The following TEK variants were observed in gnomAD, a reference collection of about 807,000 sequenced individuals.
TEK encodes TEK receptor tyrosine kinase.
A neutral mutation model predicts 131.8 loss-of-function variants in TEK; 43 were observed. The observed-to-expected ratio is 0.33, with a 90% CI of 0.26 to 0.42. The LOEUF (loss-of-function observed/expected upper bound fraction) is 0.42, where lower values mean the gene tolerates loss of function less well. TEK is among the 10% of genes least tolerant of loss of function. The pLI is 1.00. For synonymous variants in TEK, 580 were observed against 491.6 expected (o/e 1.18, Z -2.38); for missense variants, 1,162 against 1,384.4 (o/e 0.84, Z 2.55).
At chr9:27,191,813 T>G (rs1824833744) in intron 10 of TEK, 2 of 394,148 alleles carry the variant, frequency 5.1e-6, no homozygotes, top group Non-Finnish European at 9.9e-6. Context: ...CCATCACCTT[T>G]GTCTACAAGT....
chr9:27,202,090 G>A (rs1002787340), intron 12 of TEK, among the ~76,000 whole-genome samples: 2 of 152,210 alleles, frequency 1.3e-5, no homozygotes, highest in Non-Finnish European at 2.9e-5. Flanking sequence ...TAGAGTTTGA[G>A]TGAGAATGTA....
At chr9:27,214,506 G>A (rs1387659844) in intron 18 of TEK, among the ~76,000 whole-genome samples, 1 of 152,134 alleles carries the variant, frequency 6.6e-6, no homozygotes, top group Admixed American at 6.5e-5. Context: ...TCTTAGCAAG[G>A]CTCAGGTTCC....
chr9:27,169,712 C>T, intron 4 of TEK, 83 bp downstream of exon 4: 7 of 1,586,796 alleles, frequency 4.4e-6, no homozygotes, highest in Non-Finnish European at 6.0e-6. Flanking sequence ...AGAAACTAAC[C>T]ATGGCTTCTT....
At chr9:27,130,445 A>G (rs1299389872) in intron 1 of TEK, among the ~76,000 whole-genome samples, 1 of 152,154 alleles carries the variant, frequency 6.6e-6, no homozygotes, top group Non-Finnish European at 1.5e-5. Context: ...ATGAATATAT[A>G]TTGAATTTTC....
rs1452235965 is a variant in TEK, at chr9:27,173,337, C to T, written c.876C>T (p.Gly292=). 1.2e-6 allele frequency: 2 copies of T among 1,613,870 alleles called. No individual in the cohort carries two copies. The change falls in exon 6 of 23, where the codon GGC becomes GGT. Residue 292 remains glycine (G), a synonymous_variant. Transcript: ENST00000380036. The part of the protein sequence containing the change: ...PDPYGCSCAT[G]WKGLQCNEAC... ...CCTATGGGTGTTCCTGTGCCACAGG[C>T]TGGAAGGGTCTGCAGTGCAATGAAG...
At chr9:27,214,829 T>A (rs547092201) in intron 18 of TEK, among the ~76,000 whole-genome samples, 2 of 152,138 alleles carry the variant, frequency 1.3e-5, no homozygotes, top group Non-Finnish European at 2.9e-5. Context: ...TCAGAAGCCA[T>A]GTGTGCCTCC....
Position 27,229,398 on chromosome 9 carries a change from T to C in TEK, c.*166T>C. ...AGATCCCATGCATGGATCTATGTAG[T>C]ATGCTCTGACTCTAATAGGACTGTA... On this transcript the variant is annotated 3_prime_UTR_variant, in exon 23 of 23. Transcript: ENST00000380036. 5.6e-6 allele frequency: 4 copies of C among 715,564 alleles called. No homozygotes were observed. The highest frequency in any genetic ancestry group is 1.0e-5 in the Non-Finnish European group (4 of 394,708). 44.3% of individuals were successfully genotyped at this position (715,564 alleles called of 1,614,324 possible).
At chr9:27,208,450 C>T (rs1268464416) in intron 15 of TEK, among the ~76,000 whole-genome samples, 3 of 152,110 alleles carry the variant, frequency 2.0e-5, no homozygotes, top group Non-Finnish European at 4.4e-5. Context: ...CTGCTGTGTT[C>T]TCCCTCTGGT....
chr9:27,114,970 C>G (rs923997505), intron 1 of TEK, among the ~76,000 whole-genome samples: 1 of 152,072 alleles, frequency 6.6e-6, no homozygotes, highest in African/African-American at 2.4e-5. Flanking sequence ...TTCCTTTGAG[C>G]CATGTACTGT....
rs376915129 is a variant in TEK, at chr9:27,158,147, C to T, written c.364+5C>T. ...CCATGAAGATGCGTCAACAAGGTAA[C>T]ATGCCCCTAAGTTTTGGGCAGGTGA... On this transcript the variant is annotated splice_donor_5th_base_variant and intron_variant, in intron 2 of 22. Transcript: ENST00000380036. The T allele has an allele frequency of 6.2e-7, 1 of 1,614,026 alleles. No individual in the cohort carries two copies. Among genetic ancestry groups the T allele is most frequent in the Non-Finnish European group, 8.5e-7 (1 of 1,180,006 alleles).
At chr9:27,139,904 T>C (rs1032712284) in intron 1 of TEK, among the ~76,000 whole-genome samples, 7 of 152,182 alleles carry the variant, frequency 4.6e-5, no homozygotes, top group African/African-American at 1.7e-4. Context: ...TGTGTATGAT[T>C]TGGTAAATAA....
At chr9:27,220,731 G>A (rs1389808216) in intron 21 of TEK, among the ~76,000 whole-genome samples, 3 of 152,190 alleles carry the variant, frequency 2.0e-5, no homozygotes, top group Admixed American at 6.5e-5. Context: ...GTGCCATGAC[G>A]AATGGTGCAT....
chr9:27,207,621 T>C (rs1400606694), intron 15 of TEK, among the ~76,000 whole-genome samples: 1 of 152,236 alleles, frequency 6.6e-6, no homozygotes, highest in African/African-American at 2.4e-5. Flanking sequence ...AAGACTTGAC[T>C]GTGAGGCTGC....
chr9:27,183,313 C>G, intron 7 of TEK, 146 bp from the exon 8 acceptor site: 1 of 855,220 alleles, frequency 1.2e-6, no homozygotes, highest in Non-Finnish European at 1.9e-6. Flanking sequence ...ATCCACATCA[C>G]AGGTGTCTTA....
intron 6 of TEK, among the ~76,000 whole-genome samples, chr9:27,173,737 G>GTTT (rs35971876): frequency 1.5e-4 from 14 of 93,978 alleles, no homozygotes; most frequent in Admixed American, 1.4e-4. Flanking sequence ...TTTTTTTTTG[G>GTTT]TTTTTTTTTT....
chr9:27,144,307 TA>T (rs1287272434), intron 1 of TEK, among the ~76,000 whole-genome samples: 1 of 151,868 alleles, frequency 6.6e-6, no homozygotes, highest in African/African-American at 2.4e-5. Context: ...GGAGAATATG[TA>T]AAGAGCGTAG....
chr9:27,117,752 G>A (rs913290674), intron 1 of TEK, among the ~76,000 whole-genome samples: 2 of 152,190 alleles, frequency 1.3e-5, no homozygotes, highest in South Asian at 2.1e-4. Context: ...CATCGTGGGC[G>A]GCTGTCATTT....
intron 2 of TEK, among the ~76,000 whole-genome samples, chr9:27,162,287 C>T (rs559050769): frequency 6.6e-6 from 1 of 152,280 alleles, no homozygotes; most frequent in East Asian, 1.9e-4. Context: ...CTGACTCGTA[C>T]ATCTGTGGAG....
intron 1 of TEK, among the ~76,000 whole-genome samples, chr9:27,155,719 G>A (rs1823305569): frequency 1.3e-5 from 2 of 151,846 alleles, no homozygotes; most frequent in African/African-American, 4.8e-5. Flanking sequence ...TGTAAAAATT[G>A]TAATGTTTTT....
Sources: gnomAD v4.1 joint callset for allele counts (sites outside exome capture counted in the v4.1 genomes callset) on GRCh38, gnomAD v4.1.1 for gene constraint, MANE v1.5 for transcripts, NCBI Gene and HGNC (gene_info 2026-07-23, HGNC 2026-07-21) for gene names.